Variants in TLE1 observed in about 807,000 individuals in gnomAD.
TLE1 encodes the protein TLE family member 1, transcriptional corepressor.
In TLE1, 21 loss-of-function variants were observed where a neutral mutation model predicts 89.8. The ratio of observed to expected loss-of-function variants is 0.23; its 90% CI spans 0.17 to 0.34. The LOEUF is 0.34. Ranked by LOEUF, TLE1 falls within the 10% of genes least tolerant of loss-of-function variation. TLE1 has a pLI of 1.00. For synonymous variants in TLE1, 447 were observed against 407.6 expected, an observed-to-expected ratio of 1.10 and a Z score of -1.16; for missense variants, 795 against 1,031.2, an observed-to-expected ratio of 0.77 and a Z score of 3.14.
At chr9:81,588,014 C>A (rs913168445) in intron 16 of TLE1, among the ~76,000 whole-genome samples, 186 bp from the exon 17 acceptor site, 1 of 151,298 alleles carries the variant, frequency 6.6e-6, no homozygotes, top group Non-Finnish European at 1.5e-5. Flanking sequence ...GGAAACAGCA[C>A]CTGCGATTGT....
intron 4 of TLE1, among the ~76,000 whole-genome samples, chr9:81,684,691 T>C (rs1834040901): frequency 6.6e-6 from 1 of 152,250 alleles, no homozygotes; most frequent in Non-Finnish European, 1.5e-5. Context: ...GTAAGAATTG[T>C]ATTGTTGCAC....
At chr9:81,657,708 A>G (rs1283766152) in intron 4 of TLE1, among the ~76,000 whole-genome samples, 4 of 152,188 alleles carry the variant, frequency 2.6e-5, no homozygotes, top group African/African-American at 9.7e-5. Flanking sequence ...CATGGAAACC[A>G]AAATCTAAGG....
In TLE1 at chr9:81,584,490, G is replaced by A; in HGVS notation, c.2163C>T (p.Leu721=). 6.2e-7 allele frequency: 1 copy of A among 1,614,200 alleles called. No individual in the cohort carries two copies. The highest frequency in any genetic ancestry group is 1.1e-5 in the South Asian group (1 of 91,084). The change falls in exon 19 of 20, where the codon CTC becomes CTT. Residue 721 remains leucine, a synonymous_variant. Transcript: ENST00000376499. ...KWFVSTGKDN[L]LNAWRTPYGA... ...CATAGGGGGTCCGCCAAGCATTGAG[G>A]AGGTTATCTTTTCCAGTACTCACAA...
intron 4 of TLE1, among the ~76,000 whole-genome samples, chr9:81,684,853 T>C (rs1002367599): frequency 2.0e-5 from 3 of 152,242 alleles, no homozygotes; most frequent in African/African-American, 7.2e-5. Context: ...ATGCTTTCTT[T>C]GGCAGACAAT....
chr9:81,631,220 CAA>C (rs1826557681), intron 8 of TLE1, among the ~76,000 whole-genome samples: 1 of 152,224 alleles, frequency 6.6e-6, no homozygotes, highest in Non-Finnish European at 1.5e-5. Context: ...AGGGGACAAC[CAA>C]TAACCCTCCC....
intron 6 of TLE1, among the ~76,000 whole-genome samples, chr9:81,647,086 A>G (rs1029499037): frequency 3.3e-5 from 5 of 151,830 alleles, no homozygotes; most frequent in Non-Finnish European, 5.9e-5. Context: ...AAATTTCTTG[A>G]TCTCCTGAAG....
At chr9:81,613,935 T>A (rs1824060213) in intron 11 of TLE1, among the ~76,000 whole-genome samples, 1 of 126,602 alleles carries the variant, frequency 7.9e-6, no homozygotes, top group Admixed American at 9.4e-5. Flanking sequence ...TGAGATGGAG[T>A]CTCACTCTGT....
chr9:81,634,322 A>C (rs776418497), intron 6 of TLE1, 21 bp from the exon 7 acceptor site: 11 of 1,471,350 alleles, frequency 7.5e-6, no homozygotes, highest in Non-Finnish European at 1.0e-5. Context: ...TGGTGGTGAG[A>C]GAGAAAAAGG....
In TLE1 at chr9:81,632,225, C is replaced by A. The variant is rs562160835; in HGVS notation, c.594+1123G>T. 1.3e-4 allele frequency among the ~76,000 whole-genome samples: 20 copies of A among 152,154 alleles called. 1 individual carries two copies. In the South Asian group the frequency reaches 4.1e-3, roughly 32 times the overall value. On this transcript the variant is annotated intron_variant, in intron 8 of 19. Transcript: ENST00000376499. ...TTCCCAGCTATAATTTTTTGTCCCC[C>A]CAATCCCCTCTCAACATTTTCCAGA... is the stretch of plus-strand genomic sequence containing the variant.
At chr9:81,688,174 C>A in intron 1 of TLE1, 43 bp downstream of exon 1, 1 of 1,601,386 alleles carries the variant, frequency 6.2e-7, no homozygotes, top group Non-Finnish European at 8.5e-7. Context: ...GAAGCGCCTC[C>A]CCAACGATCC....
At chr9:81,678,243 G>A (rs958629846) in intron 4 of TLE1, among the ~76,000 whole-genome samples, 2 of 152,134 alleles carry the variant, frequency 1.3e-5, no homozygotes, top group Non-Finnish European at 2.9e-5. Context: ...GGTCTTGCTT[G>A]TGTCATACAG....
chr9:81,633,288 C>CATGTGT, intron 8 of TLE1, 60 bp downstream of exon 8: 2 of 1,569,068 alleles, frequency 1.3e-6, no homozygotes, highest in Non-Finnish European at 1.7e-6. Flanking sequence ...AGAAGGGGAC[C>CATGTGT]GTGTGTGTGT....
In TLE1 at chr9:81,612,346, G is replaced by A. The variant is rs930839498; in HGVS notation, c.1064-387C>T. 16 of 1,005,422 alleles carry A rather than the reference G, an allele frequency of 1.6e-5. No individual in the cohort carries two copies. The African/African-American group carries it at 2.8e-4, about 17-fold the overall frequency. The allele number at this position is 1,005,422 out of a possible 1,614,324, so 62.3% of individuals were successfully genotyped here. Reference sequence around the variant, plus strand: ...GATAAAATCCAAGATTTCTCTTTCAGTCCGAACTTTCCATTCCCTGGTACC... The same window carrying A: ...GATAAAATCCAAGATTTCTCTTTCAATCCGAACTTTCCATTCCCTGGTACC... On this transcript the variant is annotated intron_variant, in intron 12 of 19. Transcript: ENST00000376499.
At chr9:81,594,417 C>A (rs1308123333) in intron 14 of TLE1, among the ~76,000 whole-genome samples, 2 of 152,032 alleles carry the variant, frequency 1.3e-5, no homozygotes, top group East Asian at 1.9e-4. Flanking sequence ...TCATTCCCAG[C>A]AAACTAACAC....
At chr9:81,606,811 A>AGG (rs2132004556) in intron 14 of TLE1, among the ~76,000 whole-genome samples, 1 of 151,064 alleles carries the variant, frequency 6.6e-6, no homozygotes, top group South Asian at 2.1e-4. Flanking sequence ...ATAGAGAGAG[A>AGG]GGCAGTAAGA....
chr9:81,687,925 AC>A (rs1372294436), intron 1 of TLE1, among the ~76,000 whole-genome samples: 1 of 151,942 alleles, frequency 6.6e-6, no homozygotes, highest in Non-Finnish European at 1.5e-5. Context: ...CCCTGCCCCC[AC>A]TCGGGGAAGG....
intron 12 of TLE1, chr9:81,612,374 T>G: frequency 1.0e-6 from 1 of 989,450 alleles, no homozygotes; most frequent in Non-Finnish European, 1.2e-6. Flanking sequence ...CTGGTACCAA[T>G]TCCAAATGAA....
intron 14 of TLE1, among the ~76,000 whole-genome samples, chr9:81,597,177 G>C (rs1438166895): frequency 6.6e-6 from 1 of 152,130 alleles, no homozygotes; most frequent in Non-Finnish European, 1.5e-5. Context: ...AGGGGTTGCT[G>C]TAAGGATTAA....
chr9:81,590,753 G>A, intron 16 of TLE1, 52 bp downstream of exon 16: 1 of 1,586,488 alleles, frequency 6.3e-7, no homozygotes, highest in Non-Finnish European at 8.6e-7. Flanking sequence ...AGAGGTGATA[G>A]GCCCAGCTGC....
Sources: allele counts gnomAD v4.1 joint callset (sites outside exome capture counted in the v4.1 genomes callset), GRCh38; gene constraint gnomAD v4.1.1; transcripts MANE v1.5; gene names NCBI Gene and HGNC (gene_info 2026-07-23, HGNC 2026-07-21).